The following RAB18 variants were observed in gnomAD, a reference collection of about 807,000 sequenced individuals.
RAB18 encodes ras-related protein Rab-18.
A neutral mutation model predicts 28.5 loss-of-function variants in RAB18; 10 were observed. That is an observed-to-expected ratio of 0.35 (90% confidence interval 0.22 to 0.60). RAB18 has a LOEUF of 0.60. RAB18 is among the 20% of genes least tolerant of loss of function. The probability of loss-of-function intolerance (pLI) is 0.78; values close to 1 mark genes in which losing one functional copy is unlikely to be tolerated. For missense variants in RAB18, 188 were observed against 244.2 expected, an observed-to-expected ratio of 0.77 and a Z score of 1.53; for synonymous variants, 93 against 86.9, an observed-to-expected ratio of 1.07 and a Z score of -0.39.
At chr10:27,505,534 G>T (rs968616142) in intron 1 of RAB18, among the ~76,000 whole-genome samples, 2 of 152,158 alleles carry the variant, frequency 1.3e-5, no homozygotes, top group African/African-American at 4.8e-5. Flanking sequence ...GAAAGCTTAT[G>T]TAATATATTC....
At chr10:27,523,580 T>C (rs944423703) in intron 2 of RAB18, among the ~76,000 whole-genome samples, 1 of 151,802 alleles carries the variant, frequency 6.6e-6, no homozygotes, top group African/African-American at 2.4e-5. Flanking sequence ...CCATCCAGTG[T>C]ATTTTTCATC....
intron 2 of RAB18, chr10:27,514,241 AAAAC>A (rs1257037298): frequency 6.6e-6 from 1 of 152,246 alleles, no homozygotes; most frequent in African/African-American, 2.4e-5. Context: ...AAGAAACAGA[AAAAC>A]AAAGGACAGA....
chr10:27,523,219 A>G (rs1451395369), intron 2 of RAB18, among the ~76,000 whole-genome samples: 3 of 150,014 alleles, frequency 2.0e-5, no homozygotes, highest in Non-Finnish European at 3.0e-5. Flanking sequence ...TTTAATTTAA[A>G]ATACTTAGAA....
At chr10:27,519,929 A>G (rs950445410) in intron 2 of RAB18, among the ~76,000 whole-genome samples, 10 of 152,186 alleles carry the variant, frequency 6.6e-5, no homozygotes, top group Admixed American at 2.0e-4. Flanking sequence ...TGGGTTTTTC[A>G]TATATGGTGT....
Position 27,542,122 on chromosome 10 carries a change from G to T in RAB18, c.*4071G>T, listed in dbSNP as rs1258821685. On this transcript the variant is annotated 3_prime_UTR_variant, in exon 7 of 7. Coordinates refer to ENST00000356940, the MANE Select transcript of RAB18 (RefSeq NM_021252.5). ...GGAACCAGCCTGAGGCAGTACCAGG[G>T]TGAGAGGGAGTCTATTGGAGCCCTT... 2.2e-6 allele frequency: 1 copy of T among 454,144 alleles called. No individual in the cohort carries two copies. 28.1% of individuals were successfully genotyped at this position (454,144 alleles called of 1,614,324 possible). A position where few individuals can be genotyped will look rare whatever the true frequency, so the allele number is the denominator to read the frequency against.
intron 2 of RAB18, among the ~76,000 whole-genome samples, chr10:27,510,660 G>A (rs1420034973): frequency 6.6e-6 from 1 of 152,202 alleles, no homozygotes; most frequent in East Asian, 1.9e-4. Context: ...TGAATTACAT[G>A]TAATCTTGAT....
At chr10:27,516,024 A>G (rs146250729) in intron 2 of RAB18, among the ~76,000 whole-genome samples, 1 of 152,046 alleles carries the variant, frequency 6.6e-6, no homozygotes, top group African/African-American at 2.4e-5. Flanking sequence ...GAATGTATCT[A>G]TTTTATTGTT....
At chr10:27,504,957 G>T (rs749963022) in intron 1 of RAB18, 7 of 532,938 alleles carry the variant, frequency 1.3e-5, no homozygotes, top group South Asian at 7.0e-5. Context: ...GCTTAATGTC[G>T]ATTCTTTTAC....
chr10:27,513,015 CAT>C (rs764170485), intron 2 of RAB18, among the ~76,000 whole-genome samples: 2 of 138,130 alleles, frequency 1.4e-5, no homozygotes, highest in African/African-American at 2.7e-5. Context: ...TAGGTAATAA[CAT>C]ATATATATAT....
Position 27,541,133 on chromosome 10 carries a change from G to T in RAB18, c.*3082G>T, listed in dbSNP as rs1409599874. The T allele has an allele frequency of 2.2e-6, 1 of 453,572 alleles. No homozygotes were observed. The allele number at this position is 453,572 out of a possible 1,614,324, so 28.1% of individuals were successfully genotyped here. On this transcript the variant is annotated 3_prime_UTR_variant, in exon 7 of 7. Transcript: ENST00000356940. ...CTAGTAATACTTAGGAAGTTATTTT[G>T]TCTTTCCTGTATTTCCCTAGTTAAG...
rs1311898304 is a variant in RAB18 at position 27,538,247 on chromosome 10, A to G, written c.*196A>G. 2.7e-6 allele frequency: 2 copies of G among 739,658 alleles called. No individual in the cohort carries two copies. The highest frequency in any genetic ancestry group is 4.7e-6 in the Non-Finnish European group (2 of 425,946). 45.8% of individuals were successfully genotyped at this position (739,658 alleles called of 1,614,324 possible). A position where few individuals can be genotyped will look rare whatever the true frequency, so the allele number is the denominator to read the frequency against. On this transcript the variant is annotated 3_prime_UTR_variant, in exon 7 of 7. Transcript: ENST00000356940. ...GGTAAGCATGCACAGTTTGCAGTCTACAGTTTTTTTATGTAGCACAAAATA... is the reference window on the plus strand; with the variant it reads ...GGTAAGCATGCACAGTTTGCAGTCTGCAGTTTTTTTATGTAGCACAAAATA...
rs971956569 is a variant in RAB18 at position 27,542,151 on chromosome 10, A to G, written c.*4100A>G. 22 of 454,066 alleles carry G rather than the reference A, an allele frequency of 4.8e-5. No individual in the cohort carries two copies. The highest frequency in any genetic ancestry group is 4.5e-4 in the Admixed American group (19 of 42,564). 28.1% of individuals were successfully genotyped at this position (454,066 alleles called of 1,614,324 possible). On this transcript the variant is annotated 3_prime_UTR_variant, in exon 7 of 7. Transcript: ENST00000356940. ...GAGGGAGTCTATTGGAGCCCTTGGG[A>G]ACTTCTGGATCAAATTGGACCTGAA...
intron 6 of RAB18, among the ~76,000 whole-genome samples, chr10:27,535,436 A>C (rs895916791): frequency 6.6e-6 from 1 of 152,176 alleles, no homozygotes; most frequent in Admixed American, 6.5e-5. Flanking sequence ...GAATCAGGCT[A>C]CTGTGTTAAA....
At chr10:27,504,685 C>T (rs1589554634) in intron 1 of RAB18, 1 of 725,068 alleles carries the variant, frequency 1.4e-6, no homozygotes, top group South Asian at 1.4e-5. Context: ...CCTGTAGCGC[C>T]GAGAAAACAC....
rs1426498929 is a variant in RAB18, at chr10:27,541,953, G to A, written c.*3902G>A. On this transcript the variant is annotated 3_prime_UTR_variant, in exon 7 of 7. Transcript: ENST00000356940. ...CTTCCCCAGTAGCAATGGTTCAGGG[G>A]TAGGCACCTGACCCAGACCAGACTA... 3 of 453,882 alleles carry A rather than the reference G, an allele frequency of 6.6e-6. No homozygotes were observed. In the Admixed American group the frequency reaches 7.1e-5, roughly 11 times the overall value. 28.1% of individuals were successfully genotyped at this position (453,882 alleles called of 1,614,324 possible).
chr10:27,542,201 C>T lies in RAB18; in HGVS notation c.*4150C>T, dbSNP rs1339025609. 6 of 453,982 alleles carry T rather than the reference C, an allele frequency of 1.3e-5. No individual in the cohort carries two copies. Among genetic ancestry groups the T allele is most frequent in the Non-Finnish European group, 2.2e-5 (5 of 226,804 alleles). 28.1% of individuals were successfully genotyped at this position (453,982 alleles called of 1,614,324 possible). ...ATTGAGATCTATTTCTCAGCTTTCA[C>T]TTATGTGAGCCAATAAATTCCTTTT... On this transcript the variant is annotated 3_prime_UTR_variant, in exon 7 of 7. Coordinates refer to ENST00000356940, the MANE Select transcript of RAB18 (RefSeq NM_021252.5).
At chr10:27,517,609 C>G (rs1834463660) in intron 2 of RAB18, among the ~76,000 whole-genome samples, 1 of 152,206 alleles carries the variant, frequency 6.6e-6, no homozygotes, top group African/African-American at 2.4e-5. Context: ...TTACAATACA[C>G]ATTCTTGATA....
At chr10:27,506,420 C>G (rs1286419197) in intron 1 of RAB18, among the ~76,000 whole-genome samples, 1 of 152,094 alleles carries the variant, frequency 6.6e-6, no homozygotes, top group African/African-American at 2.4e-5. Flanking sequence ...CTCCTGGGCT[C>G]AAGTGATCCT....
At chr10:27,523,379 C>T (rs1383000900) in intron 2 of RAB18, among the ~76,000 whole-genome samples, 2 of 136,202 alleles carry the variant, frequency 1.5e-5, no homozygotes, top group Non-Finnish European at 3.1e-5. Flanking sequence ...GATATATTTT[C>T]CCCCCTTCTC....
Sources: gnomAD v4.1 joint callset for allele counts (sites outside exome capture counted in the v4.1 genomes callset) on GRCh38, gnomAD v4.1.1 for gene constraint, MANE v1.5 for transcripts, NCBI Gene and HGNC (gene_info 2026-07-23, HGNC 2026-07-21) for gene names.